The following DLGAP4 variants were observed in gnomAD, a reference collection of about 807,000 sequenced individuals.
DLGAP4 encodes disks large-associated protein 4.
Under a neutral mutation model 86.9 loss-of-function variants are expected in DLGAP4, and 18 were observed. The observed-to-expected ratio is 0.21, with a 90% CI of 0.14 to 0.31. The LOEUF (loss-of-function observed/expected upper bound fraction) is 0.31. Among genes scored for constraint, DLGAP4 ranks in the 10% least tolerant of loss-of-function variants. The probability of loss-of-function intolerance (pLI) is 1.00; values close to 1 mark genes in which losing one functional copy is unlikely to be tolerated. For missense variants in DLGAP4, 1,085 were observed against 1,362.6 expected, an observed-to-expected ratio of 0.80 and a Z score of 3.21; for synonymous variants, 548 against 574.3, an observed-to-expected ratio of 0.95 and a Z score of 0.65.
intron 12 of DLGAP4, 49 bp from the exon 13 acceptor site, chr20:36,526,764 C>T (rs368559713): frequency 6.7e-6 from 10 of 1,500,172 alleles, no homozygotes; most frequent in Non-Finnish European, 9.0e-6. Flanking sequence ...CCACACAAAA[C>T]GTGGCACCTT....
At chr20:36,401,595 C>A (rs1434798692) in intron 2 of DLGAP4, among the ~76,000 whole-genome samples, 1 of 152,250 alleles carries the variant, frequency 6.6e-6, no homozygotes, top group Admixed American at 6.5e-5. Flanking sequence ...CAAACAGTCC[C>A]TCAGTAGCTG....
chr20:36,422,804 G>A (rs6124857), intron 2 of DLGAP4, among the ~76,000 whole-genome samples: 88,101 of 151,922 alleles, frequency 0.58, 25,707 homozygotes, highest in Middle Eastern at 0.66. Flanking sequence ...GGCCCTCCAC[G>A]TTTCCATAAG....
chr20:36,443,387 G>T (rs2033504265), intron 6 of DLGAP4, among the ~76,000 whole-genome samples: 1 of 152,122 alleles, frequency 6.6e-6, no homozygotes, highest in African/African-American at 2.4e-5. Context: ...AAAACCAGGG[G>T]CAGGAAAGGT....
At chr20:36,512,931 C>CAT (rs2036795196) in intron 10 of DLGAP4, among the ~76,000 whole-genome samples, 1 of 23,530 alleles carries the variant, frequency 4.2e-5, no homozygotes, top group African/African-American at 1.5e-4. Context: ...CTCAGAGGCC[C>CAT]TTTTTTTTTT....
chr20:36,457,284 T>G (rs1261825031), intron 7 of DLGAP4, among the ~76,000 whole-genome samples: 1 of 151,604 alleles, frequency 6.6e-6, no homozygotes, highest in Non-Finnish European at 1.5e-5. Context: ...AGTAGCGAGA[T>G]CTTGGCTCAC....
In DLGAP4 at chr20:36,432,675, T is replaced by G; in HGVS notation, c.958T>G (p.Ser320Ala). The change falls in exon 3 of 13, where the codon TCC becomes GCC. Residue 320 changes from serine (S) to alanine (A), a missense_variant. Transcript: ENST00000339266. This position sits in a 1 kb window ranked among gnomAD's most constrained non-coding sequence, Gnocchi z 6.5. Reference protein sequence around the residue: ...SATLDKSLLKSKSCHQGLAYH... With the variant: ...SATLDKSLLKAKSCHQGLAYH... Reference sequence around the variant, plus strand: ...CACCTTGGATAAGAGCCTGCTCAAGTCCAAATCCTGCCACCAGGGTCTAGC... The same window carrying G: ...CACCTTGGATAAGAGCCTGCTCAAGGCCAAATCCTGCCACCAGGGTCTAGC... 6.2e-7 allele frequency: 1 copy of G among 1,613,390 alleles called. No homozygotes were observed. The highest frequency in any genetic ancestry group is 8.5e-7 in the Non-Finnish European group (1 of 1,179,778).
intron 2 of DLGAP4, among the ~76,000 whole-genome samples, chr20:36,388,087 G>A (rs377506003): frequency 1.2e-3 from 187 of 152,322 alleles, no homozygotes; most frequent in East Asian, 6.2e-3. Flanking sequence ...AGAAAAACAC[G>A]TTTGCAAAGT....
intron 7 of DLGAP4, among the ~76,000 whole-genome samples, chr20:36,464,032 C>T (rs116366315): frequency 1.1e-4 from 17 of 152,318 alleles, no homozygotes; most frequent in African/African-American, 3.8e-4. Context: ...TAATGACAAT[C>T]TCTAACATCC....
Position 36,306,347 on chromosome 20 carries a change from A to T in DLGAP4, c.-469A>T, listed in dbSNP as rs1555889469. On this transcript the variant is annotated 5_prime_UTR_variant, in exon 1 of 13. Transcript: ENST00000339266. The surrounding 1 kb of genome is among the most constrained non-coding windows in gnomAD (Gnocchi z 4.9). Reference sequence around the variant, plus strand: ...GCACGGCTCCTCCTCCCGCAGCCGCATCTGGGGCGCCGCGCCGGCCGGAGG... The same window carrying T: ...GCACGGCTCCTCCTCCCGCAGCCGCTTCTGGGGCGCCGCGCCGGCCGGAGG... The T allele has an allele frequency of 6.7e-6, 1 of 149,068 alleles. No individual in the cohort carries two copies. The highest frequency in any genetic ancestry group is 1.5e-5 in the Non-Finnish European group (1 of 66,922). The allele number at this position is 149,068 out of a possible 1,614,324, so 9.2% of individuals were successfully genotyped here.
At chr20:36,347,470 A>G (rs939561011) in intron 1 of DLGAP4, among the ~76,000 whole-genome samples, 2 of 151,050 alleles carry the variant, frequency 1.3e-5, no homozygotes, top group Non-Finnish European at 3.0e-5. Context: ...GTATTTGTTG[A>G]GCACCCACCA....
intron 2 of DLGAP4, among the ~76,000 whole-genome samples, chr20:36,384,436 C>T (rs2031522174): frequency 6.6e-6 from 1 of 152,178 alleles, no homozygotes; most frequent in Non-Finnish European, 1.5e-5. Context: ...CTTTTAATAA[C>T]TTTGGATGTA....
intron 1 of DLGAP4, among the ~76,000 whole-genome samples, chr20:36,365,985 G>C (rs2030674301): frequency 1.3e-5 from 2 of 152,180 alleles, no homozygotes; most frequent in South Asian, 4.1e-4. Flanking sequence ...GGAGGGGAGA[G>C]GGTGGAGGGT....
rs2034098586 is a variant in DLGAP4 at position 36,461,912 on chromosome 20, T to C, written c.1648+14975T>C. The C allele has an allele frequency of 3.0e-6, 3 of 984,760 alleles. No individual in the cohort carries two copies. In the Admixed American group the frequency reaches 1.9e-4, roughly 61 times the overall value. The allele number at this position is 984,760 out of a possible 1,614,324, so 61.0% of individuals were successfully genotyped here. A position where few individuals can be genotyped will look rare whatever the true frequency, so the allele number is the denominator to read the frequency against. On this transcript the variant is annotated intron_variant, in intron 7 of 12. Transcript: ENST00000339266. ...CCCTCGCTCCCCATCTCGGGTCCCC[T>C]TCTCAGAGCGCTCTTCAGCCCTCAG...
rs144933815 is a variant in DLGAP4 at position 36,359,839 on chromosome 20, G to A, written c.-303-7206G>A. Among the ~76,000 whole-genome samples the A allele has an allele frequency of 2.3e-3, 355 of 152,276 alleles. 3 individuals are homozygous for A. Among genetic ancestry groups the A allele is most frequent in the African/African-American group, 8.2e-3 (339 of 41,538 alleles). ...CCCAAGCTTCTCAAAATGAGGCAAG[G>A]CATGCTGGGAGTTCATCGGGCACTG... On this transcript the variant is annotated intron_variant, in intron 1 of 12. Transcript: ENST00000339266.
chr20:36,364,044 A>T lies in DLGAP4; in HGVS notation c.-303-3001A>T, dbSNP rs571006452. Among the ~76,000 whole-genome samples, 8 of 152,312 alleles carry T rather than the reference A, an allele frequency of 5.3e-5. No homozygotes were observed. In the East Asian group the frequency reaches 1.5e-3, roughly 29 times the overall value. On this transcript the variant is annotated intron_variant, in intron 1 of 12. Coordinates refer to ENST00000339266, the MANE Select transcript of DLGAP4 (RefSeq NM_001365621.2). ...ACCACAAAGGACCACAGGTTCCCAG[A>T]GGATAACTGCCTATTGGGAAGTTGC...
chr20:36,447,579 CCTGG>C (rs1159713244), intron 7 of DLGAP4, among the ~76,000 whole-genome samples: 1 of 152,074 alleles, frequency 6.6e-6, no homozygotes, highest in Non-Finnish European at 1.5e-5. Flanking sequence ...TGCCACCATG[CCTGG>C]CTAATTTTTG....
intron 10 of DLGAP4, among the ~76,000 whole-genome samples, chr20:36,509,275 A>C (rs1330249380): frequency 2.0e-5 from 3 of 152,030 alleles, no homozygotes; most frequent in Non-Finnish European, 4.4e-5. Flanking sequence ...ATGAAAATTT[A>C]AAAATAAACA....
At chr20:36,472,328 G>A (rs183109506) in intron 7 of DLGAP4, among the ~76,000 whole-genome samples, 11 of 151,962 alleles carry the variant, frequency 7.2e-5, no homozygotes, top group African/African-American at 1.9e-4. Flanking sequence ...ATAGCGAAAC[G>A]CCGTCTCTAT....
intron 1 of DLGAP4, among the ~76,000 whole-genome samples, chr20:36,356,298 T>C (rs1347903689): frequency 2.2e-5 from 3 of 136,214 alleles, no homozygotes; most frequent in Non-Finnish European, 4.5e-5. Context: ...TTTCATTGTT[T>C]TTGTTTGTTT....
Sources: allele counts gnomAD v4.1 joint callset (sites outside exome capture counted in the v4.1 genomes callset), GRCh38; gene constraint gnomAD v4.1.1; non-coding constraint Gnocchi (gnomAD v3.1); transcripts MANE v1.5; gene names NCBI Gene and HGNC (gene_info 2026-07-23, HGNC 2026-07-21).